Variants in LYRM4 observed in about 807,000 individuals in gnomAD.
The protein encoded by LYRM4 is LYR motif-containing protein 4.
LYRM4 carries 9 observed loss-of-function variants against 11.7 expected under a neutral mutation model. That is an observed-to-expected ratio of 0.77 (90% CI 0.46 to 1.34). The LOEUF is 1.34. LYRM4 is among the 40% of genes most tolerant of loss of function. The pLI is 0.00. For synonymous variants in LYRM4, 42 were observed against 40.4 expected (o/e 1.04, Z -0.15); for missense variants, 133 against 112.5 (o/e 1.18, Z -0.82).
chr6:5,073,496 C>A, the LYRM4 span, among the ~76,000 whole-genome samples: 1 of 147,964 alleles, frequency 6.8e-6, no homozygotes, highest in African/African-American at 2.5e-5. Context: ...CTATATATAT[C>A]TCTATATATA....
the LYRM4 span, among the ~76,000 whole-genome samples, chr6:5,084,109 AAGTT>A: frequency 1.2e-4 from 19 of 152,304 alleles, no homozygotes; most frequent in South Asian, 8.3e-4. Context: ...TATCTCGAAA[AAGTT>A]AGAAAGAAGG....
the LYRM4 span, among the ~76,000 whole-genome samples, chr6:5,057,525 T>C: frequency 4.6e-5 from 7 of 151,928 alleles, no homozygotes; most frequent in African/African-American, 9.7e-5. Flanking sequence ...GAGACCAGCC[T>C]GGCCAAGATG....
intron 1 of LYRM4, 57 bp downstream of exon 1, chr6:5,260,591 C>A (rs933764485): frequency 8.2e-7 from 1 of 1,224,856 alleles, no homozygotes; most frequent in Non-Finnish European, 1.1e-6. Context: ...TCAGCCCGCA[C>A]CCCCGGTCCC....
At chr6:5,218,210 T>C (rs1762388065) in intron 1 of LYRM4, 13 of 976,794 alleles carry the variant, frequency 1.3e-5, no homozygotes, top group African/African-American at 1.8e-5. Flanking sequence ...CCTGGCTCTC[T>C]CGTCTTCTTA....
chr6:5,191,796 C>T (rs1426981399), intron 2 of LYRM4, among the ~76,000 whole-genome samples: 2 of 152,168 alleles, frequency 1.3e-5, no homozygotes, highest in African/African-American at 2.4e-5. Context: ...GTCAATTCTA[C>T]TCTAACAAAT....
At chr6:5,243,166 T>C (rs899654174) in intron 1 of LYRM4, among the ~76,000 whole-genome samples, 1 of 152,230 alleles carries the variant, frequency 6.6e-6, no homozygotes, top group African/African-American at 2.4e-5. Flanking sequence ...GTGTGTCTGC[T>C]CCACCCACAC....
chr6:5,105,072 G>GTAATACAT (rs1316107709), downstream of LYRM4: 1 of 152,218 alleles, frequency 6.6e-6, no homozygotes. Flanking sequence ...CCCTGAGAAA[G>GTAATACAT]TAATACATTA....
At chr6:5,247,582 G>C (rs1249985085) in intron 1 of LYRM4, among the ~76,000 whole-genome samples, 1 of 152,196 alleles carries the variant, frequency 6.6e-6, no homozygotes, top group African/African-American at 2.4e-5. Flanking sequence ...TGAATATGCA[G>C]AAAACATGTA....
intron 2 of LYRM4, among the ~76,000 whole-genome samples, chr6:5,163,433 G>A (rs771743177): frequency 3.3e-5 from 5 of 151,706 alleles, no homozygotes; most frequent in African/African-American, 4.8e-5. Flanking sequence ...TCGCACCAAC[G>A]CCACACTCCC....
At chr6:5,054,493 C>T in the LYRM4 span, 1 of 153,778 alleles carries the variant, frequency 6.5e-6, no homozygotes. Context: ...AGAGTATTTC[C>T]TGACAAATTC....
At chr6:5,090,150 C>T in the LYRM4 span, among the ~76,000 whole-genome samples, 2 of 152,160 alleles carry the variant, frequency 1.3e-5, no homozygotes, top group Non-Finnish European at 2.9e-5. This position sits in a 1 kb window ranked among gnomAD's most constrained non-coding sequence, Gnocchi z 4.8. Context: ...AATGCAATAA[C>T]TTTAACACGT....
chr6:5,096,724 T>C, the LYRM4 span, among the ~76,000 whole-genome samples: 1 of 152,342 alleles, frequency 6.6e-6, no homozygotes, highest in Non-Finnish European at 1.5e-5. Context: ...AACTCCTGCC[T>C]AATATAGATT....
At chr6:5,151,381 C>A (rs1222826688) in intron 2 of LYRM4, among the ~76,000 whole-genome samples, 1 of 152,148 alleles carries the variant, frequency 6.6e-6, no homozygotes, top group Non-Finnish European at 1.5e-5. Flanking sequence ...CCGCACCCGG[C>A]CTCCAAAATG....
chr6:5,133,660 T>A (rs1025975912), intron 2 of LYRM4, among the ~76,000 whole-genome samples: 1 of 152,216 alleles, frequency 6.6e-6, no homozygotes, highest in Non-Finnish European at 1.5e-5. Flanking sequence ...AGTGCGTAAT[T>A]CAGTGGTATT....
chr6:5,057,150 C>T, the LYRM4 span, among the ~76,000 whole-genome samples: 1 of 152,192 alleles, frequency 6.6e-6, no homozygotes, highest in Non-Finnish European at 1.5e-5. Flanking sequence ...CATGTCTTAG[C>T]ATTGTTATGA....
chr6:5,181,708 C>T (rs1284810252), intron 2 of LYRM4, among the ~76,000 whole-genome samples: 1 of 152,132 alleles, frequency 6.6e-6, no homozygotes, highest in Non-Finnish European at 1.5e-5. Context: ...AGAGATGTTG[C>T]CAAACATCCC....
intron 1 of LYRM4, among the ~76,000 whole-genome samples, chr6:5,220,013 C>T (rs1762493748): frequency 6.6e-6 from 1 of 152,228 alleles, no homozygotes; most frequent in Admixed American, 6.5e-5. Flanking sequence ...TCTCCTGAAG[C>T]TTGGCAGTTT....
At chr6:5,120,560 G>C (rs1763400124) in intron 2 of LYRM4, among the ~76,000 whole-genome samples, 2 of 152,358 alleles carry the variant, frequency 1.3e-5, no homozygotes, top group Admixed American at 6.5e-5. Flanking sequence ...GGGGACGCCA[G>C]TGGGTTGCTG....
At chr6:5,154,750 C>T (rs1015680628) in intron 2 of LYRM4, among the ~76,000 whole-genome samples, 7 of 152,234 alleles carry the variant, frequency 4.6e-5, no homozygotes, top group East Asian at 1.9e-4. Flanking sequence ...ACCCGGGAGG[C>T]GGAGCTTGCA....
Sources: gnomAD v4.1 joint callset for allele counts (sites outside exome capture counted in the v4.1 genomes callset) on GRCh38, gnomAD v4.1.1 for gene constraint, Gnocchi (gnomAD v3.1) non-coding constraint, MANE v1.5 for transcripts, NCBI Gene and HGNC (gene_info 2026-07-23, HGNC 2026-07-21) for gene names.